CCDC91: variants seen among roughly 807,000 people sequenced by gnomAD.
CCDC91 encodes the protein coiled-coil domain containing 91.
Under a neutral mutation model 63.2 loss-of-function variants are expected in CCDC91, and 48 were observed. That is an observed-to-expected ratio of 0.76 (90% CI 0.60 to 0.97). CCDC91 has a LOEUF of 0.97. CCDC91 is among the 50% of genes least tolerant of loss of function. CCDC91 has a pLI of 0.00. For missense variants in CCDC91, 500 were observed against 494.6 expected, an observed-to-expected ratio of 1.01 and a Z score of -0.10; for synonymous variants, 167 against 165.8, an observed-to-expected ratio of 1.01 and a Z score of -0.06.
chr12:28,524,824 G>A (rs879562218), intron 12 of CCDC91, among the ~76,000 whole-genome samples: 14 of 135,174 alleles, frequency 1.0e-4, no homozygotes, highest in Non-Finnish European at 2.0e-4. Context: ...ATTTAAGATA[G>A]GAGTGTTTGT....
rs1404132830 is a variant in CCDC91 at position 28,272,451 on chromosome 12, T to C, written c.109+13009T>C. Among the ~76,000 whole-genome samples, 5 of 146,290 alleles carry C rather than the reference T, an allele frequency of 3.4e-5. No homozygotes were observed. In the Admixed American group the frequency reaches 3.4e-4, roughly 10 times the overall value. ...TTTTTGAAAAAAAATTAAAAAACTC[T>C]CTCTACTATGTCCATTAACCTCTTT... On this transcript the variant is annotated intron_variant, in intron 3 of 12. Coordinates refer to ENST00000536442, the MANE Select transcript of CCDC91 (RefSeq NM_018318.5).
At chr12:28,220,594 A>C (rs1373970748) in intron 1 of CCDC91, among the ~76,000 whole-genome samples, 2 of 151,950 alleles carry the variant, frequency 1.3e-5, no homozygotes, top group Non-Finnish European at 2.9e-5. Context: ...CTCCCTGAAG[A>C]AATTTCCTCA....
At chr12:28,345,688 C>A (rs967850872) in intron 6 of CCDC91, among the ~76,000 whole-genome samples, 1 of 151,912 alleles carries the variant, frequency 6.6e-6, no homozygotes, top group African/African-American at 2.4e-5. Context: ...TTTCTGGTGC[C>A]CCAACAGCAA....
intron 8 of CCDC91, among the ~76,000 whole-genome samples, chr12:28,437,825 A>G (rs1402400298): frequency 2.0e-5 from 3 of 152,136 alleles, no homozygotes; most frequent in South Asian, 4.2e-4. Flanking sequence ...GATAAGAACT[A>G]TGCACCTGAA....
intron 12 of CCDC91, among the ~76,000 whole-genome samples, chr12:28,498,755 TATTC>T (rs1427342982): frequency 3.3e-5 from 5 of 151,720 alleles, no homozygotes; most frequent in Admixed American, 2.6e-4. Context: ...TATCATTCAC[TATTC>T]ATTCAGTGAA....
chr12:28,346,901 T>G (rs1565833627), intron 6 of CCDC91, among the ~76,000 whole-genome samples: 1 of 152,204 alleles, frequency 6.6e-6, no homozygotes, highest in African/African-American at 2.4e-5. Context: ...CCTCTAATCC[T>G]GCCTTGGTCT....
At chr12:28,393,924 C>T (rs1334496465) in intron 8 of CCDC91, among the ~76,000 whole-genome samples, 1 of 152,134 alleles carries the variant, frequency 6.6e-6, no homozygotes, top group Non-Finnish European at 1.5e-5. Context: ...TGTTTCTACA[C>T]ACCAGAAATG....
intron 1 of CCDC91, among the ~76,000 whole-genome samples, chr12:28,216,241 C>T (rs907043289): frequency 6.6e-6 from 1 of 152,092 alleles, no homozygotes; most frequent in Non-Finnish European, 1.5e-5. Flanking sequence ...TTTAAGCTTT[C>T]TTTGTTGTTC....
intron 12 of CCDC91, among the ~76,000 whole-genome samples, chr12:28,517,570 G>A (rs538744480): frequency 2.0e-5 from 3 of 152,040 alleles, no homozygotes; most frequent in African/African-American, 4.8e-5. Context: ...ACACAATAGA[G>A]TTTTATTTGT....
In CCDC91 at chr12:28,519,560, CT is replaced by C. The variant is rs373171526; in HGVS notation, c.1216-29493del. ...GATGCTCTTTGTATCTTTCTCTTTT[CT>C]TTTTTTTTTCTTTTTTTTATTATTA... On this transcript the variant is annotated intron_variant, in intron 12 of 12. Transcript: ENST00000536442. Among the ~76,000 whole-genome samples the C allele has an allele frequency of 2.2e-3, 327 of 147,482 alleles. 3 individuals are homozygous for C. The highest frequency in any genetic ancestry group is 7.6e-3 in the African/African-American group (306 of 40,296).
At chr12:28,204,680 G>T (rs1942712999) in intron 1 of CCDC91, among the ~76,000 whole-genome samples, 1 of 151,964 alleles carries the variant, frequency 6.6e-6, no homozygotes, top group African/African-American at 2.4e-5. Flanking sequence ...TTTTAAGCTA[G>T]GTATTTATTT....
chr12:28,512,426 C>T (rs11049684), intron 12 of CCDC91, among the ~76,000 whole-genome samples: 29,220 of 151,808 alleles, frequency 0.19, 3,691 homozygotes, highest in Non-Finnish European at 0.29. Flanking sequence ...CTCTTTCAAG[C>T]AAGACATATT....
chr12:28,218,600 C>T (rs1186106029), intron 1 of CCDC91, among the ~76,000 whole-genome samples: 5 of 152,126 alleles, frequency 3.3e-5, no homozygotes, highest in South Asian at 2.1e-4. Flanking sequence ...GACTAGACCC[C>T]GTCCCACCAC....
chr12:28,216,953 T>C (rs893989745), intron 1 of CCDC91, among the ~76,000 whole-genome samples: 4 of 152,166 alleles, frequency 2.6e-5, no homozygotes, highest in Non-Finnish European at 2.9e-5. Context: ...AGAGAATGTT[T>C]AAAATTAGAA....
At chr12:28,451,723 G>C (rs1466287296) in intron 10 of CCDC91, among the ~76,000 whole-genome samples, 1 of 151,590 alleles carries the variant, frequency 6.6e-6, no homozygotes, top group East Asian at 1.9e-4. Flanking sequence ...TAATATAATA[G>C]CATGAAAATT....
At chr12:28,353,879 C>T (rs1402107458) in intron 6 of CCDC91, among the ~76,000 whole-genome samples, 4 of 151,944 alleles carry the variant, frequency 2.6e-5, no homozygotes, top group Admixed American at 1.3e-4. Flanking sequence ...AAACAACACA[C>T]ATTGGGGCCA....
intron 3 of CCDC91, among the ~76,000 whole-genome samples, chr12:28,268,451 A>T (rs1409077210): frequency 1.3e-5 from 2 of 152,152 alleles, no homozygotes; most frequent in Non-Finnish European, 1.5e-5. Context: ...TCTCATGACC[A>T]TCTGTACTGT....
intron 12 of CCDC91, among the ~76,000 whole-genome samples, chr12:28,519,819 G>T (rs1027849960): frequency 2.5e-4 from 38 of 149,420 alleles, no homozygotes; most frequent in Admixed American, 6.8e-5. Flanking sequence ...AACATGTGGT[G>T]TTTGGTTTTC....
intron 8 of CCDC91, among the ~76,000 whole-genome samples, chr12:28,418,296 G>A (rs895818550): frequency 3.3e-5 from 5 of 152,020 alleles, no homozygotes; most frequent in African/African-American, 9.7e-5. Context: ...GTAATTTGTA[G>A]TAGAAACTGA....
Sources: allele counts gnomAD v4.1 joint callset (sites outside exome capture counted in the v4.1 genomes callset), GRCh38; gene constraint gnomAD v4.1.1; transcripts MANE v1.5; gene names NCBI Gene and HGNC (gene_info 2026-07-23, HGNC 2026-07-21).